DDX47: variants seen among roughly 807,000 people sequenced by gnomAD.
DDX47 encodes DEAD-box helicase 47.
Under a neutral mutation model 58.8 loss-of-function variants are expected in DDX47, and 60 were observed. The observed-to-expected ratio is 1.02, with a 90% CI of 0.83 to 1.26. The LOEUF is 1.26. Ranked by LOEUF, DDX47 falls within the 50% of genes most tolerant of loss-of-function variation. The pLI, the probability that DDX47 is intolerant of heterozygous loss-of-function variation, is 0.00. For missense variants in DDX47, 530 were observed against 573.2 expected, an observed-to-expected ratio of 0.92 and a Z score of 0.77; for synonymous variants, 197 against 204.6, an observed-to-expected ratio of 0.96 and a Z score of 0.32.
intron 2 of DDX47, among the ~76,000 whole-genome samples, chr12:12,820,125 C>T (rs149079813): frequency 8.1e-4 from 123 of 152,316 alleles, no homozygotes; most frequent in African/African-American, 2.9e-3. Context: ...GCATAGCTAC[C>T]TCATGGGCTA....
Position 12,823,200 on chromosome 12 carries a change from C to G in DDX47, c.634-3C>G, listed in dbSNP as rs923141875. 6.3e-7 allele frequency: 1 copy of G among 1,598,640 alleles called. No homozygotes were observed. Among genetic ancestry groups the G allele is most frequent in the Admixed American group, 1.7e-5 (1 of 59,978 alleles). On this transcript the variant is annotated splice_polypyrimidine_tract_variant and splice_region_variant and intron_variant, in intron 6 of 11. Coordinates refer to ENST00000358007, the MANE Select transcript of DDX47 (RefSeq NM_016355.4). ...TGTGCTATTCTGGATCTTCTTCCTTCAGGTTCAAAAACTTCAGCGAGCAGC... is the reference window on the plus strand; with the variant it reads ...TGTGCTATTCTGGATCTTCTTCCTTGAGGTTCAAAAACTTCAGCGAGCAGC...
chr12:12,823,842 C>T, intron 7 of DDX47, 28 bp from the exon 8 acceptor site: 1 of 1,608,168 alleles, frequency 6.2e-7, no homozygotes, highest in Non-Finnish European at 8.5e-7. Context: ...GGTTCAATGA[C>T]ATATATTGTT....
chr12:12,824,653 C>T lies in DDX47; in HGVS notation c.1011C>T (p.Asn337=), dbSNP rs1298165319. 7 of 1,614,084 alleles carry T rather than the reference C, an allele frequency of 4.3e-6. No individual in the cohort carries two copies. The highest frequency in any genetic ancestry group is 1.6e-4 in the Middle Eastern group (1 of 6,084). ...LDIPHVDVVV[N]FDIPTHSKDY... ...TACCTCATGTAGATGTGGTTGTCAA[C>T]TTTGACATTCCTACCCATTCCAAGG... The change falls in exon 9 of 12, where the codon AAC becomes AAT. Residue 337 remains asparagine, a synonymous_variant. Coordinates refer to ENST00000358007, the MANE Select transcript of DDX47 (RefSeq NM_016355.4).
chr12:12,816,949 T>C (rs942499686), intron 2 of DDX47, among the ~76,000 whole-genome samples: 1 of 152,206 alleles, frequency 6.6e-6, no homozygotes, highest in African/African-American at 2.4e-5. Flanking sequence ...AGTTTAAATT[T>C]GATGCAGAAA....
intron 2 of DDX47, 151 bp downstream of exon 2, chr12:12,814,375 C>T: frequency 1.6e-6 from 1 of 607,110 alleles, no homozygotes; most frequent in Non-Finnish European, 3.0e-6. Flanking sequence ...ATGTCATTCT[C>T]CAATTTTACT....
Position 12,829,810 on chromosome 12 carries a change from T to G in DDX47, c.*256T>G. 2 of 316,438 alleles carry G rather than the reference T, an allele frequency of 6.3e-6. No homozygotes were observed. Among genetic ancestry groups the G allele is most frequent in the Non-Finnish European group, 1.1e-5 (2 of 174,642 alleles). The allele number at this position is 316,438 out of a possible 1,614,324, so 19.6% of individuals were successfully genotyped here. On this transcript the variant is annotated 3_prime_UTR_variant, in exon 12 of 12. Coordinates refer to ENST00000358007, the MANE Select transcript of DDX47 (RefSeq NM_016355.4). ...GAGTAGGGTGTGCTCTTCTGTCACT[T>G]CACACAGACCTTTTGCCTTTTTTAG... is the stretch of plus-strand genomic sequence containing the variant.
intron 8 of DDX47, 110 bp from the exon 9 acceptor site, chr12:12,824,430 G>GA (rs760842816): frequency 3.2e-5 from 42 of 1,297,108 alleles, no homozygotes; most frequent in African/African-American, 1.7e-4. Flanking sequence ...AACTTAGGGG[G>GA]AAAAACCTTT....
In DDX47 at chr12:12,824,196, G is replaced by C. The variant is rs1488136048; in HGVS notation, c.897+180G>C. The C allele has an allele frequency of 6.7e-6, 5 of 751,124 alleles. No homozygotes were observed. The East Asian group carries it at 1.4e-4, about 21-fold the overall frequency. The allele number at this position is 751,124 out of a possible 1,614,324, so 46.5% of individuals were successfully genotyped here. ...ACTTTCTCCTTTCAGGGTAGCGAGA[G>C]GCTCCCATTAGAATATTTCATATGT... On this transcript the variant is annotated intron_variant, in intron 8 of 11. Transcript: ENST00000358007.
chr12:12,822,230 CT>C, intron 5 of DDX47, 147 bp downstream of exon 5: 1 of 597,842 alleles, frequency 1.7e-6, no homozygotes, highest in Non-Finnish European at 3.0e-6. Context: ...TCTCAGCACC[CT>C]TTTATCTTTA....
In DDX47 at chr12:12,821,694, T is replaced by C; in HGVS notation, c.410T>C (p.Leu137Ser). ...GGAATTGATTCAATGTCTCAATCTT[T>C]GGCCCTTGCAAAAAAACCACATATA... Reference protein sequence around the residue: ...VGGIDSMSQSLALAKKPHIII... With the variant: ...VGGIDSMSQSSALAKKPHIII... Residue 137 changes from leucine (L) to serine (S), a missense_variant, in exon 4 of 12, where the codon TTG becomes TCG. Coordinates refer to ENST00000358007, the MANE Select transcript of DDX47 (RefSeq NM_016355.4). 1 of 1,614,008 alleles carries C rather than the reference T, an allele frequency of 6.2e-7. No individual in the cohort carries two copies. The highest frequency in any genetic ancestry group is 1.3e-5 in the African/African-American group (1 of 75,044).
At chr12:12,813,578 C>G in intron 1 of DDX47, 124 bp downstream of exon 1, 2 of 937,378 alleles carry the variant, frequency 2.1e-6, no homozygotes, top group South Asian at 3.1e-5. Flanking sequence ...TGGGTTTTCC[C>G]CAGAATTTCA....
At chr12:12,814,078 G>A (rs1862858235) in intron 1 of DDX47, 53 bp from the exon 2 acceptor site, 4 of 1,091,564 alleles carry the variant, frequency 3.7e-6, no homozygotes, top group Admixed American at 1.7e-5. Context: ...TTAAGTAGGA[G>A]GGAGGTAGGG....
intron 11 of DDX47, 31 bp downstream of exon 11, chr12:12,827,406 G>A: frequency 6.2e-7 from 1 of 1,611,842 alleles, no homozygotes; most frequent in Non-Finnish European, 8.5e-7. Context: ...ACCAGTGTCT[G>A]TGCAAACAAT....
intron 2 of DDX47, among the ~76,000 whole-genome samples, chr12:12,817,019 A>G (rs1862906954): frequency 6.6e-6 from 1 of 152,178 alleles, no homozygotes; most frequent in African/African-American, 2.4e-5. Context: ...CACCATAGAA[A>G]TGTCTTTATC....
chr12:12,818,210 G>A (rs1233178945), intron 2 of DDX47, among the ~76,000 whole-genome samples: 5 of 152,140 alleles, frequency 3.3e-5, no homozygotes, highest in Non-Finnish European at 5.9e-5. Flanking sequence ...ATTGTCATTT[G>A]TCTGTAATCT....
chr12:12,814,405 A>G (rs1862865415), intron 2 of DDX47, 181 bp downstream of exon 2: 1 of 548,822 alleles, frequency 1.8e-6, no homozygotes, highest in African/African-American at 1.9e-5. Context: ...TTCTGTCTTA[A>G]TAGCTGAAAG....
rs1432857263 is a variant in DDX47 at position 12,823,857 on chromosome 12, GT to G, written c.751-10del. 1.2e-6 allele frequency: 2 copies of G among 1,612,168 alleles called. No homozygotes were observed. The highest frequency in any genetic ancestry group is 1.7e-5 in the Admixed American group (1 of 59,786). ...GGTTCAATGACATATATTGTTTTGG[GT>G]TTGTAACTTAGGATACCTACCTGGT... On this transcript the variant is annotated splice_polypyrimidine_tract_variant and intron_variant, in intron 7 of 11. Coordinates refer to ENST00000358007, the MANE Select transcript of DDX47 (RefSeq NM_016355.4).
intron 1 of DDX47, 144 bp from the exon 2 acceptor site, chr12:12,813,983 ATAGT>A (rs1249698111): frequency 1.4e-5 from 9 of 648,498 alleles, no homozygotes; most frequent in Non-Finnish European, 2.6e-5. Flanking sequence ...GTCTCATGGT[ATAGT>A]TAAAGAGTAG....
At chr12:12,823,081 C>T (rs1316558719) in intron 6 of DDX47, 122 bp from the exon 7 acceptor site, 11 of 724,506 alleles carry the variant, frequency 1.5e-5, no homozygotes, top group African/African-American at 1.2e-4. Flanking sequence ...CACCAGGTCC[C>T]TCCCGTGACA....
Sources: allele counts gnomAD v4.1 joint callset (sites outside exome capture counted in the v4.1 genomes callset), GRCh38; gene constraint gnomAD v4.1.1; transcripts MANE v1.5; gene names NCBI Gene and HGNC (gene_info 2026-07-23, HGNC 2026-07-21).